Variants in MAD2L1BP observed in about 807,000 individuals in gnomAD.
The protein encoded by MAD2L1BP is MAD2L1-binding protein.
MAD2L1BP carries 22 observed loss-of-function variants against 28.4 expected under a neutral mutation model. The ratio of observed to expected loss-of-function variants is 0.77; its 90% CI spans 0.55 to 1.10. The LOEUF is 1.10. MAD2L1BP is among the 50% of genes least tolerant of loss of function. The pLI is 0.00. For synonymous variants in MAD2L1BP, 146 were observed against 133.7 expected, an observed-to-expected ratio of 1.09 and a Z score of -0.63; for missense variants, 325 against 350.5, an observed-to-expected ratio of 0.93 and a Z score of 0.58.
At chr6:43,630,951 C>T (rs1184371308), upstream of MAD2L1BP, among the ~76,000 whole-genome samples, 1 of 148,128 alleles carries the variant, frequency 6.8e-6, no homozygotes, top group Non-Finnish European at 1.5e-5. Flanking sequence ...AGAAATTAAG[C>T]AACTCTTCTC....
intron 2 of MAD2L1BP, among the ~76,000 whole-genome samples, chr6:43,638,948 G>A (rs942955454): frequency 2.0e-5 from 3 of 152,094 alleles, no homozygotes; most frequent in Admixed American, 1.3e-4. Flanking sequence ...GAGAAATTTG[G>A]CAGATGATCT....
exon 1 of MAD2L1BP, chr6:43,629,702 T>G (rs1484409741): frequency 6.5e-7 from 1 of 1,548,298 alleles, no homozygotes; most frequent in East Asian, 2.4e-5. Context: ...CTGAGGCTAC[T>G]GGTGCCGCCA....
chr6:43,638,243 T>A (rs1314600923), intron 2 of MAD2L1BP, among the ~76,000 whole-genome samples: 1 of 151,860 alleles, frequency 6.6e-6, no homozygotes, highest in Admixed American at 6.6e-5. Context: ...AGTTTCACCA[T>A]GTTGGCCAGG....
rs1582368251 is a variant in MAD2L1BP, at chr6:43,640,308, T to C, written c.600T>C (p.Phe200=). The change falls in exon 3 of 3, where the codon TTT becomes TTC. Residue 200 remains phenylalanine, a synonymous_variant. Transcript: ENST00000372171. ...GAGCCATATTCATGGCTGATGCCTTTAGCGAGCTTCAGGCTCCTCCACTCA... is the reference window on the plus strand; with the variant it reads ...GAGCCATATTCATGGCTGATGCCTTCAGCGAGCTTCAGGCTCCTCCACTCA... ...LFRAIFMADA[F]SELQAPPLMG... 1 of 1,613,624 alleles carries C rather than the reference T, an allele frequency of 6.2e-7. No individual in the cohort carries two copies. The highest frequency in any genetic ancestry group is 2.2e-5 in the East Asian group (1 of 44,874).
chr6:43,636,102 C>T (rs190931697), intron 1 of MAD2L1BP, among the ~76,000 whole-genome samples, 181 bp downstream of exon 1: 1 of 152,228 alleles, frequency 6.6e-6, no homozygotes, highest in Non-Finnish European at 1.5e-5. Flanking sequence ...TGCTTGACTA[C>T]ACTTTTGACT....
At chr6:43,633,160 T>G (rs1470118439), upstream of MAD2L1BP, 3 of 433,988 alleles carry the variant, frequency 6.9e-6, no homozygotes, top group South Asian at 1.6e-5. Flanking sequence ...ACCCAGTATT[T>G]TAATCATTGT....
chr6:43,634,663 C>T (rs1186710042), upstream of MAD2L1BP, among the ~76,000 whole-genome samples: 7 of 152,190 alleles, frequency 4.6e-5, no homozygotes, highest in South Asian at 6.2e-4. Flanking sequence ...CGGCTTCAAG[C>T]GATTCTCCTG....
chr6:43,635,227 T>C (rs894347354), upstream of MAD2L1BP, among the ~76,000 whole-genome samples: 2 of 152,238 alleles, frequency 1.3e-5, no homozygotes, highest in East Asian at 3.9e-4. Context: ...GCTCCTGTTA[T>C]TCACTACAGC....
chr6:43,640,805 AGC>A lies in MAD2L1BP; in HGVS notation c.*273_*274del. ...CAGGCATTTCTATTAGGAGTTGGAA[AGC>A]AAAAATGGGTCCATAGACACTCTAT... On this transcript the variant is annotated 3_prime_UTR_variant, in exon 3 of 3. Coordinates refer to ENST00000372171, the MANE Select transcript of MAD2L1BP (RefSeq NM_014628.3). 2 of 402,444 alleles carry A rather than the reference AGC, an allele frequency of 5.0e-6. No homozygotes were observed. Among genetic ancestry groups the A allele is most frequent in the Non-Finnish European group, 8.9e-6 (2 of 224,786 alleles). The allele number at this position is 402,444 out of a possible 1,614,324, so 24.9% of individuals were successfully genotyped here.
intron 1 of MAD2L1BP, among the ~76,000 whole-genome samples, chr6:43,630,052 G>A (rs1769805952): frequency 6.6e-6 from 1 of 152,190 alleles, no homozygotes; most frequent in Non-Finnish European, 1.5e-5. Flanking sequence ...AACTGAGTTT[G>A]GTTTTAAACG....
upstream of MAD2L1BP, among the ~76,000 whole-genome samples, chr6:43,631,605 C>A (rs951729843): frequency 4.6e-5 from 7 of 152,166 alleles, no homozygotes; most frequent in African/African-American, 1.7e-4. Context: ...CCACCTCAGC[C>A]TCTGGAGTAG....
In MAD2L1BP at chr6:43,640,367, A is replaced by C. The variant is rs752702832; in HGVS notation, c.659A>C (p.Asn220Thr). Residue 220 changes from asparagine (N) to threonine (T), a missense_variant, in exon 3 of 3, where the codon AAC (asparagine) becomes ACC (threonine). Asn to Thr is a moderately conservative substitution (Grantham distance 65). Transcript: ENST00000372171. ...GTCGTCATGGCACAGGGACACCGCA[A>C]CTGTGGAGAAGATTGGTTTCGACCC... ...GTVVMAQGHR[N>T]CGEDWFRPKL... is the part of the protein sequence containing the mutation. The C allele has an allele frequency of 1.5e-5, 24 of 1,613,860 alleles. No homozygotes were observed. The highest frequency in any genetic ancestry group is 1.9e-5 in the Non-Finnish European group (22 of 1,180,022).
Position 43,635,843 on chromosome 6 carries a change from C to T in MAD2L1BP, c.-33C>T, listed in dbSNP as rs1770177729. ...CATGATGCCCCGCGAGACCTTTATT[C>T]TAACCGCAAGGAGTAGCGGAGGGGA... is the stretch of plus-strand genomic sequence containing the variant. On this transcript the variant is annotated 5_prime_UTR_variant, in exon 1 of 3. Coordinates refer to ENST00000372171, the MANE Select transcript of MAD2L1BP (RefSeq NM_014628.3). 1 of 1,463,838 alleles carries T rather than the reference C, an allele frequency of 6.8e-7. No individual in the cohort carries two copies. Among genetic ancestry groups the T allele is most frequent in the African/African-American group, 1.5e-5 (1 of 66,626 alleles). The allele number at this position is 1,463,838 out of a possible 1,614,324, so 90.7% of individuals were successfully genotyped here.
At chr6:43,638,868 C>T (rs1356081186) in intron 2 of MAD2L1BP, among the ~76,000 whole-genome samples, 2 of 151,884 alleles carry the variant, frequency 1.3e-5, no homozygotes, top group Non-Finnish European at 1.5e-5. Flanking sequence ...ATAGACTTCA[C>T]TATAAGGAGA....
chr6:43,632,495 A>G (rs369872531), upstream of MAD2L1BP, among the ~76,000 whole-genome samples: 1 of 150,112 alleles, frequency 6.7e-6, no homozygotes, highest in Admixed American at 6.7e-5. Flanking sequence ...GGACTCAAGC[A>G]GTTCTCCCAC....
At chr6:43,632,279 TTA>T (rs1475501542), upstream of MAD2L1BP, among the ~76,000 whole-genome samples, 3 of 150,054 alleles carry the variant, frequency 2.0e-5, no homozygotes, top group Non-Finnish European at 3.0e-5. Context: ...TTTTTTTTTT[TTA>T]GGTAGGGTCT....
chr6:43,629,830 T>C, intron 1 of MAD2L1BP: 1 of 1,530,914 alleles, frequency 6.5e-7, no homozygotes. Context: ...ACGGCTGTTA[T>C]TGTTGGGATG....
chr6:43,635,821 G>T (rs527319361), upstream of MAD2L1BP: 5 of 1,433,456 alleles, frequency 3.5e-6, no homozygotes, highest in Non-Finnish European at 4.6e-6. Flanking sequence ...GGCTTCCCAT[G>T]ATGCCCCGCG....
At chr6:43,632,058 C>T (rs1193659215), upstream of MAD2L1BP, among the ~76,000 whole-genome samples, 1 of 151,986 alleles carries the variant, frequency 6.6e-6, no homozygotes, top group Non-Finnish European at 1.5e-5. Flanking sequence ...TGCCACCACA[C>T]CCGGCTAATT....
Sources: gnomAD v4.1 joint callset for allele counts (sites outside exome capture counted in the v4.1 genomes callset) on GRCh38, gnomAD v4.1.1 for gene constraint, MANE v1.5 for transcripts, NCBI Gene and HGNC (gene_info 2026-07-23, HGNC 2026-07-21) for gene names.